The following PSD3 variants were observed in gnomAD, a reference collection of about 807,000 sequenced individuals.
PSD3 encodes PH and SEC7 domain-containing protein 3.
In PSD3, 49 loss-of-function variants were observed where a neutral mutation model predicts 105.5. The ratio of observed to expected loss-of-function variants is 0.46; its 90% CI spans 0.37 to 0.59. The LOEUF is 0.59. PSD3 is among the 20% of genes least tolerant of loss of function. The pLI is 0.00. For missense variants in PSD3, 1,561 were observed against 1,263.8 expected, an observed-to-expected ratio of 1.24 and a Z score of -3.57; for synonymous variants, 557 against 457.8, an observed-to-expected ratio of 1.22 and a Z score of -2.77.
intron 2 of PSD3, among the ~76,000 whole-genome samples, chr8:18,894,736 C>T (rs1819027020): frequency 6.6e-6 from 1 of 152,168 alleles, no homozygotes; most frequent in Admixed American, 6.5e-5. Context: ...TCTGTCTTGA[C>T]AATCGGAACT....
chr8:18,801,094 T>C, intron 7 of PSD3, 176 bp downstream of exon 7: 1 of 442,556 alleles, frequency 2.3e-6, no homozygotes, highest in East Asian at 3.7e-5. Context: ...AAAACAAAAC[T>C]CTAATTCCAA....
At chr8:18,841,693 T>G (rs1814641100) in intron 4 of PSD3, among the ~76,000 whole-genome samples, 1 of 152,116 alleles carries the variant, frequency 6.6e-6, no homozygotes, top group South Asian at 2.1e-4. Flanking sequence ...CAAAATTCTT[T>G]GAGTTTTCAA....
chr8:19,031,834 A>G (rs1160544774), intron 1 of PSD3, among the ~76,000 whole-genome samples: 3 of 152,248 alleles, frequency 2.0e-5, no homozygotes, highest in Non-Finnish European at 4.4e-5. Flanking sequence ...GAACTAAAAG[A>G]GGCATTAGAC....
At chr8:18,998,545 G>C (rs1050613687) in intron 1 of PSD3, among the ~76,000 whole-genome samples, 1 of 151,952 alleles carries the variant, frequency 6.6e-6, no homozygotes, top group African/African-American at 2.4e-5. Context: ...AAATTAGCTG[G>C]GTGTGGTGGC....
intron 1 of PSD3, among the ~76,000 whole-genome samples, chr8:19,069,290 C>A (rs36110451): frequency 6.6e-6 from 1 of 152,084 alleles, no homozygotes; most frequent in South Asian, 2.1e-4. Context: ...CCCTGGCCTA[C>A]AAAAGCTGAG....
rs1344048406 is a variant in PSD3 at position 18,856,224 on chromosome 8, C to G, written c.1634+11450G>C. Among the ~76,000 whole-genome samples the G allele has an allele frequency of 2.6e-5, 4 of 152,182 alleles. No individual in the cohort carries two copies. The East Asian group carries it at 7.7e-4, about 29-fold the overall frequency. Reference sequence around the variant, plus strand: ...CCGTGACATCCCACGATGCAAGTAACCCCCAACTCAGAACCATGAAGCCTG... The same window carrying G: ...CCGTGACATCCCACGATGCAAGTAAGCCCCAACTCAGAACCATGAAGCCTG... On this transcript the variant is annotated intron_variant, in intron 4 of 15. Coordinates refer to ENST00000327040, the MANE Select transcript of PSD3 (RefSeq NM_015310.4).
intron 4 of PSD3, among the ~76,000 whole-genome samples, chr8:18,825,379 C>T (rs1008202564): frequency 1.3e-5 from 2 of 152,162 alleles, no homozygotes; most frequent in African/African-American, 2.4e-5. Context: ...GGTACCACCC[C>T]CAAGAGTCAG....
At chr8:18,567,372 G>A (rs1000210971) in intron 14 of PSD3, among the ~76,000 whole-genome samples, 1 of 151,980 alleles carries the variant, frequency 6.6e-6, no homozygotes, top group African/African-American at 2.4e-5. Context: ...TGCTGCTTAT[G>A]TTAAGTATGC....
chr8:18,894,765 C>A (rs117024329), intron 2 of PSD3, among the ~76,000 whole-genome samples: 1 of 152,072 alleles, frequency 6.6e-6, no homozygotes, highest in Admixed American at 6.5e-5. Flanking sequence ...ATGATAATAA[C>A]GTAATGAGAA....
chr8:18,775,204 T>G (rs932770662), intron 8 of PSD3, among the ~76,000 whole-genome samples: 1 of 152,212 alleles, frequency 6.6e-6, no homozygotes. Flanking sequence ...TCATTTTCTA[T>G]GGCCGAGTAA....
intron 1 of PSD3, among the ~76,000 whole-genome samples, chr8:18,946,469 T>A (rs1207670313): frequency 6.6e-6 from 1 of 152,120 alleles, no homozygotes. Context: ...TAGTCCCTAC[T>A]ACTCAGGAGC....
At chr8:18,770,756 C>T (rs891230028) in intron 8 of PSD3, among the ~76,000 whole-genome samples, 1 of 152,212 alleles carries the variant, frequency 6.6e-6, no homozygotes, top group Admixed American at 6.5e-5. Flanking sequence ...GTGTTAACAG[C>T]TCAGTGGATC....
intron 14 of PSD3, 150 bp downstream of exon 14, chr8:18,572,378 G>A: frequency 1.1e-6 from 1 of 925,834 alleles, no homozygotes. Context: ...CCAGTGTACT[G>A]CATATCTGCC....
chr8:18,861,515 T>C (rs1008181451), intron 4 of PSD3, among the ~76,000 whole-genome samples: 4 of 152,056 alleles, frequency 2.6e-5, no homozygotes, highest in Non-Finnish European at 5.9e-5. Context: ...CAATTTGACC[T>C]CTTTATATCT....
At chr8:19,075,296 C>T (rs1019017117) in intron 1 of PSD3, among the ~76,000 whole-genome samples, 6 of 152,058 alleles carry the variant, frequency 3.9e-5, no homozygotes, top group African/African-American at 1.4e-4. Flanking sequence ...TAGAGATAGT[C>T]TCTTACTCAG....
intron 12 of PSD3, among the ~76,000 whole-genome samples, chr8:18,595,247 C>A (rs1339239784): frequency 7.2e-6 from 1 of 138,384 alleles, no homozygotes; most frequent in Admixed American, 7.4e-5. Context: ...CTAAAAGATA[C>A]CCAAAAGAAA....
intron 9 of PSD3, among the ~76,000 whole-genome samples, chr8:18,744,122 T>C (rs1563217356): frequency 6.6e-6 from 1 of 152,184 alleles, no homozygotes; most frequent in Non-Finnish European, 1.5e-5. Flanking sequence ...GTATTGATGT[T>C]CCCCACCATC....
intron 11 of PSD3, among the ~76,000 whole-genome samples, chr8:18,631,665 T>G (rs1484424595): frequency 6.6e-6 from 1 of 151,872 alleles, no homozygotes; most frequent in Non-Finnish European, 1.5e-5. Flanking sequence ...AATTAAGTAG[T>G]CTAGTAATCT....
At chr8:18,753,305 G>T (rs1805756104) in intron 9 of PSD3, among the ~76,000 whole-genome samples, 1 of 151,192 alleles carries the variant, frequency 6.6e-6, no homozygotes, top group Non-Finnish European at 1.5e-5. Flanking sequence ...AGTGAGCCGA[G>T]ATCATGCCAC....
Sources: allele counts gnomAD v4.1 joint callset (sites outside exome capture counted in the v4.1 genomes callset), GRCh38; gene constraint gnomAD v4.1.1; transcripts MANE v1.5; gene names NCBI Gene and HGNC (gene_info 2026-07-23, HGNC 2026-07-21).